ANKS1B: variants seen among roughly 807,000 people sequenced by gnomAD.
ANKS1B encodes ankyrin repeat and sterile alpha motif domain containing 1B, also known as ankyrin repeat and sterile alpha motif domain-containing protein 1B.
A neutral mutation model predicts 148.3 loss-of-function variants in ANKS1B; 36 were observed. The observed-to-expected ratio is 0.24, with a 90% confidence interval of 0.19 to 0.32. The LOEUF (loss-of-function observed/expected upper bound fraction) is 0.32. Among genes scored for constraint, ANKS1B ranks in the 10% least tolerant of loss-of-function variants. The pLI is 1.00. For synonymous variants in ANKS1B, 542 were observed against 560.8 expected, an observed-to-expected ratio of 0.97 and a Z score of 0.47; for missense variants, 1,157 against 1,542.6, an observed-to-expected ratio of 0.75 and a Z score of 4.19.
intron 8 of ANKS1B, among the ~76,000 whole-genome samples, chr12:99,675,093 A>G (rs752481664): frequency 2.0e-5 from 3 of 151,968 alleles, no homozygotes; most frequent in Non-Finnish European, 4.4e-5. Context: ...ATGTTTTCAA[A>G]CCATAATGTT....
At chr12:99,961,187 C>T (rs2095407611) in intron 1 of ANKS1B, among the ~76,000 whole-genome samples, 1 of 152,012 alleles carries the variant, frequency 6.6e-6, no homozygotes. Flanking sequence ...CCAGATTGTG[C>T]CACTGCACTC....
chr12:99,774,277 A>G (rs1210977112), intron 7 of ANKS1B, among the ~76,000 whole-genome samples: 1 of 152,104 alleles, frequency 6.6e-6, no homozygotes, highest in African/African-American at 2.4e-5. Context: ...AATTCACATA[A>G]CTCAATAGCA....
intron 12 of ANKS1B, among the ~76,000 whole-genome samples, chr12:99,366,964 G>T (rs1288976649): frequency 6.6e-6 from 1 of 152,136 alleles, no homozygotes; most frequent in African/African-American, 2.4e-5. Flanking sequence ...TGTTTCTAAA[G>T]CTCAGCACTA....
intron 17 of ANKS1B, among the ~76,000 whole-genome samples, chr12:98,874,867 C>T (rs2099683859): frequency 6.6e-6 from 1 of 152,138 alleles, no homozygotes; most frequent in Admixed American, 6.5e-5. Flanking sequence ...AATAAGAGAT[C>T]TTAATAACTT....
chr12:99,862,574 G>C (rs2090179448), intron 1 of ANKS1B, among the ~76,000 whole-genome samples: 1 of 152,196 alleles, frequency 6.6e-6, no homozygotes, highest in Admixed American at 6.5e-5. Flanking sequence ...GATGAGCGCA[G>C]CTTTTTCATG....
At chr12:99,969,108 C>T (rs1345461313) in intron 1 of ANKS1B, among the ~76,000 whole-genome samples, 1 of 152,128 alleles carries the variant, frequency 6.6e-6, no homozygotes, top group East Asian at 1.9e-4. Context: ...ATTAAAATAC[C>T]TTTGAAGACA....
chr12:99,373,590 CAAT>C (rs556552709), intron 12 of ANKS1B, among the ~76,000 whole-genome samples: 13 of 152,116 alleles, frequency 8.5e-5, no homozygotes, highest in Non-Finnish European at 1.9e-4. Context: ...TGATTTATCT[CAAT>C]GATGGTGTTT....
chr12:99,055,242 G>A (rs548767174), intron 16 of ANKS1B, among the ~76,000 whole-genome samples: 1 of 152,160 alleles, frequency 6.6e-6, no homozygotes, highest in Admixed American at 6.5e-5. Flanking sequence ...AATCACTCTG[G>A]CCCCAGGAAT....
rs138188960 is a variant in ANKS1B, at chr12:99,718,196, A to G, written c.1128+54726T>C. 6.2e-3 allele frequency among the ~76,000 whole-genome samples: 946 copies of G among 152,114 alleles called. 6 individuals carry two copies. The highest frequency in any genetic ancestry group is 0.017 in the African/African-American group (721 of 41,528). ...ATTACAGGCGTGAGCCACCGCGCCCAGCCGACAATACTCTTTTAAGCACTC... is the reference window on the plus strand; with the variant it reads ...ATTACAGGCGTGAGCCACCGCGCCCGGCCGACAATACTCTTTTAAGCACTC... On this transcript the variant is annotated intron_variant, in intron 8 of 26. Transcript: ENST00000683438.
intron 14 of ANKS1B, among the ~76,000 whole-genome samples, chr12:99,212,893 G>A (rs911976308): frequency 7.2e-5 from 11 of 152,158 alleles, no homozygotes; most frequent in Admixed American, 7.2e-4. Context: ...TTCTCCTAGT[G>A]ACATACTGAT....
intron 17 of ANKS1B, among the ~76,000 whole-genome samples, chr12:99,008,974 G>T (rs1400111747): frequency 6.6e-6 from 1 of 152,140 alleles, no homozygotes; most frequent in Non-Finnish European, 1.5e-5. Context: ...GGACCCCAAA[G>T]GATTACACAG....
intron 17 of ANKS1B, among the ~76,000 whole-genome samples, chr12:98,865,250 T>C (rs1396284166): frequency 6.6e-6 from 1 of 152,188 alleles, no homozygotes; most frequent in African/African-American, 2.4e-5. Context: ...TGACAAATGT[T>C]TCAAGCAGAA....
chr12:99,309,665 G>T (rs2082873910), intron 12 of ANKS1B, among the ~76,000 whole-genome samples: 1 of 151,992 alleles, frequency 6.6e-6, no homozygotes, highest in African/African-American at 2.4e-5. Context: ...AAATAATGGT[G>T]CTTATACTTT....
chr12:98,745,032 C>A lies in ANKS1B; in HGVS notation c.*707G>T. ...CTTATCAATGCATTAATGAAACATT[C>A]TTTTAATAAAAATATTTAATACAAG... On this transcript the variant is annotated 3_prime_UTR_variant, in exon 27 of 27. Transcript: ENST00000683438. 3.0e-6 allele frequency: 3 copies of A among 985,144 alleles called. No individual in the cohort carries two copies. The highest frequency in any genetic ancestry group is 3.6e-6 in the Non-Finnish European group (3 of 829,302). 61.0% of individuals were successfully genotyped at this position (985,144 alleles called of 1,614,324 possible).
intron 17 of ANKS1B, among the ~76,000 whole-genome samples, chr12:98,833,147 C>T (rs1420795866): frequency 6.6e-6 from 1 of 152,118 alleles, no homozygotes; most frequent in African/African-American, 2.4e-5. Context: ...AGCCCCATTC[C>T]CGGTGCTTTA....
At chr12:98,942,625 G>A (rs1336886747) in intron 17 of ANKS1B, among the ~76,000 whole-genome samples, 2 of 152,204 alleles carry the variant, frequency 1.3e-5, no homozygotes, top group Non-Finnish European at 2.9e-5. Context: ...TAGACTTTAA[G>A]CTCTATGAGG....
chr12:98,834,401 T>A (rs539872939), intron 17 of ANKS1B, among the ~76,000 whole-genome samples: 13 of 152,332 alleles, frequency 8.5e-5, no homozygotes, highest in African/African-American at 3.1e-4. Context: ...TAAGCACACG[T>A]GATTTCTAGC....
chr12:98,888,376 C>T (rs1049024826), intron 17 of ANKS1B, among the ~76,000 whole-genome samples: 1 of 152,180 alleles, frequency 6.6e-6, no homozygotes, highest in Non-Finnish European at 1.5e-5. Context: ...CTCACCTGGA[C>T]TACTCTCATA....
At chr12:99,783,852 T>A (rs1026340569) in intron 4 of ANKS1B, among the ~76,000 whole-genome samples, 1 of 152,068 alleles carries the variant, frequency 6.6e-6, no homozygotes, top group Non-Finnish European at 1.5e-5. Flanking sequence ...GATTATATAT[T>A]TTCAAATACT....
Sources: allele counts gnomAD v4.1 joint callset (sites outside exome capture counted in the v4.1 genomes callset), GRCh38; gene constraint gnomAD v4.1.1; transcripts MANE v1.5; gene names NCBI Gene and HGNC (gene_info 2026-07-23, HGNC 2026-07-21).